RMND5A: variants seen among roughly 807,000 people sequenced by gnomAD.
RMND5A encodes required for meiotic nuclear division 5 homolog A, also known as E3 ubiquitin-protein transferase RMND5A.
Under a neutral mutation model 49.7 loss-of-function variants are expected in RMND5A, and 17 were observed. That is an observed-to-expected ratio of 0.34 (90% CI 0.23 to 0.51). The LOEUF is 0.51. Ranked by LOEUF, RMND5A falls within the 20% of genes least tolerant of loss-of-function variation. The probability of loss-of-function intolerance (pLI) is 0.96; values close to 1 mark genes in which losing one functional copy is unlikely to be tolerated. For synonymous variants in RMND5A, 156 were observed against 167.7 expected, an observed-to-expected ratio of 0.93 and a Z score of 0.54; for missense variants, 255 against 471.3, an observed-to-expected ratio of 0.54 and a Z score of 4.25.
At position 86,776,065 on chromosome 2, in the gene RMND5A, C is replaced by T. The variant is rs998478582; in HGVS notation, c.*2654C>T. 4.6e-5 allele frequency: 7 copies of T among 152,150 alleles called. No homozygotes were observed. The highest frequency in any genetic ancestry group is 1.7e-4 in the African/African-American group (7 of 41,422). The allele number at this position is 152,150 out of a possible 1,614,324, so 9.4% of individuals were successfully genotyped here. ...ATTTCAGAATGGTTTCTTAAATTTC[C>T]TTGGGAACCGTTTCCACATATCAGT... On this transcript the variant is annotated 3_prime_UTR_variant, in exon 9 of 9. Coordinates refer to ENST00000283632, the MANE Select transcript of RMND5A (RefSeq NM_022780.4).
At chr2:86,744,504 C>T (rs1215756637) in intron 2 of RMND5A, among the ~76,000 whole-genome samples, 1 of 152,164 alleles carries the variant, frequency 6.6e-6, no homozygotes, top group Non-Finnish European at 1.5e-5. Flanking sequence ...GACAAAGAAG[C>T]CAGTGGCTCC....
intron 4 of RMND5A, among the ~76,000 whole-genome samples, chr2:86,754,476 A>C (rs1412495008): frequency 2.0e-5 from 3 of 152,248 alleles, no homozygotes; most frequent in Non-Finnish European, 4.4e-5. Context: ...TGGGAAGTTG[A>C]CTTTTATAAA....
intron 6 of RMND5A, among the ~76,000 whole-genome samples, chr2:86,769,494 T>C (rs1422264130): frequency 6.6e-6 from 1 of 152,262 alleles, no homozygotes; most frequent in African/African-American, 2.4e-5. Context: ...AACATCTCTT[T>C]TTCCTTCAAA....
chr2:86,769,725 A>G (rs67535255), intron 6 of RMND5A, among the ~76,000 whole-genome samples: 17,746 of 151,316 alleles, frequency 0.12, 1,101 homozygotes, highest in African/African-American at 0.14. Flanking sequence ...TTACCCCCAT[A>G]TTGGTGAGGT....
intron 4 of RMND5A, among the ~76,000 whole-genome samples, chr2:86,758,886 T>C (rs754412699): frequency 3.3e-5 from 5 of 152,262 alleles, no homozygotes; most frequent in Non-Finnish European, 5.9e-5. Context: ...TGAATTTTTT[T>C]AAGCATTTGA....
chr2:86,753,615 C>T, intron 4 of RMND5A, 57 bp downstream of exon 4: 1 of 866,070 alleles, frequency 1.2e-6, no homozygotes, highest in East Asian at 2.5e-5. Context: ...TAAGAAAACT[C>T]AATCAGAAAA....
intron 4 of RMND5A, among the ~76,000 whole-genome samples, chr2:86,757,425 G>A (rs144137486): frequency 8.5e-4 from 130 of 152,132 alleles, no homozygotes; most frequent in African/African-American, 3.0e-3. Context: ...TTCTCTTGGC[G>A]CCTAGAGTAG....
chr2:86,749,116 G>A (rs9309637), intron 2 of RMND5A, among the ~76,000 whole-genome samples: 101,006 of 152,016 alleles, frequency 0.66, 33,755 homozygotes, highest in East Asian at 0.91. Flanking sequence ...AGAGAACAGC[G>A]TTGATCAGCC....
In RMND5A at chr2:86,766,038, C is replaced by T. The variant is rs763942255; in HGVS notation, c.854+14C>T. On this transcript the variant is annotated intron_variant, in intron 6 of 8. Transcript: ENST00000283632. ...TCTCAGTGTCAGGTATGGAAATTAG[C>T]CCTGTCTGTTATTGAAGTATGCACT... 29 of 1,608,072 alleles carry T rather than the reference C, an allele frequency of 1.8e-5. No individual in the cohort carries two copies. In the South Asian group the frequency reaches 3.1e-4, roughly 17 times the overall value.
intron 2 of RMND5A, among the ~76,000 whole-genome samples, chr2:86,749,658 G>A (rs1280202340): frequency 6.6e-6 from 1 of 152,088 alleles, no homozygotes; most frequent in African/African-American, 2.4e-5. Context: ...CCAAAGTGCT[G>A]GGATTACAGG....
intron 2 of RMND5A, among the ~76,000 whole-genome samples, chr2:86,750,402 T>C (rs1298626544): frequency 6.6e-6 from 1 of 152,242 alleles, no homozygotes; most frequent in Non-Finnish European, 1.5e-5. Flanking sequence ...ACAGTTATTT[T>C]CTTTCAGTAC....
chr2:86,773,296 T>C, intron 8 of RMND5A, 52 bp from the exon 9 acceptor site: 1 of 970,262 alleles, frequency 1.0e-6, no homozygotes, highest in East Asian at 2.4e-5. Flanking sequence ...AAAAATTGAA[T>C]ACACAGTACT....
intron 6 of RMND5A, among the ~76,000 whole-genome samples, chr2:86,769,125 T>G (rs1309834295): frequency 6.6e-6 from 1 of 152,130 alleles, no homozygotes; most frequent in East Asian, 1.9e-4. Context: ...TTATATCTTT[T>G]GTAGAGACGG....
chr2:86,757,584 AT>A (rs1290627071), intron 4 of RMND5A, among the ~76,000 whole-genome samples: 1 of 152,170 alleles, frequency 6.6e-6, no homozygotes, highest in East Asian at 1.9e-4. Flanking sequence ...GGTGGGGGAA[AT>A]ATTAGAAAAA....
intron 1 of RMND5A, among the ~76,000 whole-genome samples, chr2:86,721,275 C>T (rs997518804): frequency 6.6e-6 from 1 of 151,858 alleles, no homozygotes; most frequent in Non-Finnish European, 1.5e-5. Context: ...TGTGCCGCCC[C>T]GAATCCTTGG....
intron 1 of RMND5A, among the ~76,000 whole-genome samples, chr2:86,732,450 A>C (rs1336969294): frequency 6.8e-6 from 1 of 146,486 alleles, no homozygotes; most frequent in Admixed American, 6.7e-5. Flanking sequence ...ATAGTGGGTA[A>C]ATCTTGTCAC....
chr2:86,728,041 A>G (rs1681298124), intron 1 of RMND5A, among the ~76,000 whole-genome samples: 1 of 84,240 alleles, frequency 1.2e-5, no homozygotes, highest in South Asian at 3.6e-4. Context: ...GGCACAATGT[A>G]GTGTCAGGCT....
intron 6 of RMND5A, 53 bp downstream of exon 6, chr2:86,766,077 C>T: frequency 6.9e-7 from 1 of 1,453,350 alleles, no homozygotes; most frequent in Non-Finnish European, 9.3e-7. Context: ...TTATCACCTT[C>T]CCTTAACTTG....
At chr2:86,745,286 T>C (rs1427433057) in intron 2 of RMND5A, among the ~76,000 whole-genome samples, 1 of 152,222 alleles carries the variant, frequency 6.6e-6, no homozygotes, top group Non-Finnish European at 1.5e-5. Flanking sequence ...ACATGTCCTT[T>C]ATAAGATTGC....
Sources: allele counts gnomAD v4.1 joint callset (sites outside exome capture counted in the v4.1 genomes callset), GRCh38; gene constraint gnomAD v4.1.1; transcripts MANE v1.5; gene names NCBI Gene and HGNC (gene_info 2026-07-23, HGNC 2026-07-21).